The following ADCK2 variants were observed in gnomAD, a reference collection of about 807,000 sequenced individuals.
The protein encoded by ADCK2 is uncharacterized aarF domain-containing protein kinase 2.
A neutral mutation model predicts 52.3 loss-of-function variants in ADCK2; 37 were observed. The ratio of observed to expected loss-of-function variants is 0.71; its 90% confidence interval spans 0.54 to 0.93. The LOEUF (loss-of-function observed/expected upper bound fraction) is 0.93, where lower values mean the gene tolerates loss of function less well. ADCK2 is among the 40% of genes least tolerant of loss of function. ADCK2 has a pLI of 0.00. For missense variants in ADCK2, 695 were observed against 798.7 expected (o/e 0.87, Z 1.56); for synonymous variants, 321 against 349.2 (o/e 0.92, Z 0.90).
In ADCK2 at chr7:140,695,073, T is replaced by C. The variant is rs1203531433; in HGVS notation, c.*270T>C. On this transcript the variant is annotated 3_prime_UTR_variant, in exon 8 of 8. Transcript: ENST00000072869. ...GGGACACTCTCCTTCAGGGAAAATGTTATGTGGAGGAGGACGAATAAATTT... is the reference window on the plus strand; with the variant it reads ...GGGACACTCTCCTTCAGGGAAAATGCTATGTGGAGGAGGACGAATAAATTT... 4.1e-6 allele frequency: 5 copies of C among 1,209,184 alleles called. No homozygotes were observed. Among genetic ancestry groups the C allele is most frequent in the Admixed American group, 4.2e-5 (1 of 23,550 alleles). 74.9% of individuals were successfully genotyped at this position (1,209,184 alleles called of 1,614,324 possible).
In ADCK2 at chr7:140,673,974, A is replaced by G. The variant is rs770769081; in HGVS notation, c.644A>G (p.Tyr215Cys). 1.2e-5 allele frequency: 19 copies of G among 1,614,074 alleles called. 2 individuals carry two copies. In the South Asian group the frequency reaches 2.1e-4, roughly 18 times the overall value. The stretch of plus-strand genomic sequence containing the variant: ...GGCTCAGGCTGCGTGGCCCAGGTGT[A>G]CAAAGCATACGCCAACACTGCCTTC... ...PVGSGCVAQV[Y>C]KAYANTAFLE... Residue 215 changes from tyrosine (Y) to cysteine (C), a missense_variant, in exon 1 of 8, where the codon TAC becomes TGC. By Grantham distance (194) the Tyr-to-Cys change is radical. Coordinates refer to ENST00000072869, the MANE Select transcript of ADCK2 (RefSeq NM_052853.4). This position sits in a 1 kb window ranked among gnomAD's most constrained non-coding sequence, Gnocchi z 6.4.
rs1585849058 is a variant in ADCK2 at position 140,683,716 on chromosome 7, C to G, written c.1305+2579C>G. Among the ~76,000 whole-genome samples, 4 of 152,290 alleles carry G rather than the reference C, an allele frequency of 2.6e-5. No homozygotes were observed. The South Asian group carries it at 8.3e-4, about 32-fold the overall frequency. Reference sequence around the variant, plus strand: ...GGTGGTTTTGTCTACCAGGGGACATCTGGCGATGTCTGGAGACATTCTTGG... The same window carrying G: ...GGTGGTTTTGTCTACCAGGGGACATGTGGCGATGTCTGGAGACATTCTTGG... On this transcript the variant is annotated intron_variant, in intron 4 of 7. Transcript: ENST00000072869.
chr7:140,679,579 G>T (rs1365036518), intron 3 of ADCK2, among the ~76,000 whole-genome samples: 4 of 150,442 alleles, frequency 2.7e-5, no homozygotes, highest in Admixed American at 6.6e-5. Context: ...AAAACAAGGA[G>T]TTGGGCACAG....
chr7:140,689,367 A>G (rs533435388), intron 5 of ADCK2, among the ~76,000 whole-genome samples: 2 of 152,226 alleles, frequency 1.3e-5, no homozygotes, highest in Admixed American at 1.3e-4. Flanking sequence ...GCTGGTTTGA[A>G]AGTGTCCCCT....
chr7:140,689,528 G>T, intron 5 of ADCK2, 69 bp from the exon 6 acceptor site: 8 of 1,505,414 alleles, frequency 5.3e-6, no homozygotes, highest in Non-Finnish European at 7.2e-6. Context: ...AGATGAGAAA[G>T]ACGCTTGGGC....
Position 140,673,348 on chromosome 7 carries a change from C to A in ADCK2, c.18C>A (p.Arg6=). 6.8e-7 allele frequency: 1 copy of A among 1,462,322 alleles called. No homozygotes were observed. Among genetic ancestry groups the A allele is most frequent in the Non-Finnish European group, 9.0e-7 (1 of 1,105,282 alleles). The allele number at this position is 1,462,322 out of a possible 1,614,324, so 90.6% of individuals were successfully genotyped here. The part of the protein sequence containing the change: MVAPW[R]VSVRVCLSHL... ...TCGGGAGGATGGTGGCGCCCTGGCG[C>A]GTCTCCGTCAGGGTTTGCCTGTCGC... The change falls in exon 1 of 8, where the codon CGC becomes CGA. Residue 6 remains arginine (R), a synonymous_variant. Transcript: ENST00000072869. The surrounding 1 kb of genome is among the most constrained non-coding windows in gnomAD (Gnocchi z 6.4).
rs986327921 is a variant in ADCK2 at position 140,672,976 on chromosome 7, G to A, written c.-355G>A. Among the ~76,000 whole-genome samples, 1 of 151,140 alleles carries A rather than the reference G, an allele frequency of 6.6e-6. No homozygotes were observed. Among genetic ancestry groups the A allele is most frequent in the Non-Finnish European group, 1.5e-5 (1 of 67,594 alleles). On this transcript the variant is annotated 5_prime_UTR_variant, in exon 1 of 8. Transcript: ENST00000072869. ...CCAGCGATCTCATACTGGCCCCTGGGCGCACGGTGACCCTGCGGCTGCCCG... is the reference window on the plus strand; with the variant it reads ...CCAGCGATCTCATACTGGCCCCTGGACGCACGGTGACCCTGCGGCTGCCCG...
Position 140,673,855 on chromosome 7 carries a change from G to A in ADCK2, c.525G>A (p.Thr175=). Residue 175 remains threonine, a synonymous_variant, in exon 1 of 8, where the codon ACG becomes ACA. Transcript: ENST00000072869. This position sits in a 1 kb window ranked among gnomAD's most constrained non-coding sequence, Gnocchi z 6.4. ...TTTCCAAGCTGCATGTCCGAGTGAC[G>A]CCCCACCCGTGGACTCACACTGAGC... ...AQFSKLHVRV[T]PHPWTHTERF... is the part of the protein sequence containing the mutation. The A allele has an allele frequency of 1.2e-6, 2 of 1,613,948 alleles. No individual in the cohort carries two copies. Among genetic ancestry groups the A allele is most frequent in the Non-Finnish European group, 1.7e-6 (2 of 1,180,032 alleles).
chr7:140,690,736 T>A (rs774608493), intron 6 of ADCK2, 24 bp from the exon 7 acceptor site: 4 of 1,611,966 alleles, frequency 2.5e-6, no homozygotes, highest in Non-Finnish European at 3.4e-6. Context: ...GTGGTCTGCA[T>A]TAGCCTTTAT....
rs1165660098 is a variant in ADCK2, at chr7:140,674,067, C to T, written c.737C>T (p.Ala246Val). 6.2e-7 allele frequency: 1 copy of T among 1,614,120 alleles called. No individual in the cohort carries two copies. Among genetic ancestry groups the T allele is most frequent in the East Asian group, 2.2e-5 (1 of 44,876 alleles). The part of the protein sequence containing the change: ...SCLPPFSHTG[A>V]VGGLRELFGY... ...CTGCCGCCCTTCTCACATACTGGGGCAGTCGGTGGGCTGAGAGAGCTCTTT... is the reference window on the plus strand; with the variant it reads ...CTGCCGCCCTTCTCACATACTGGGGTAGTCGGTGGGCTGAGAGAGCTCTTT... The change falls in exon 1 of 8, where the codon GCA (alanine) becomes GTA (valine). Residue 246 changes from alanine to valine, a missense_variant. Physicochemically the swap from Ala to Val is moderately conservative, Grantham distance 64. Transcript: ENST00000072869. This position sits in a 1 kb window ranked among gnomAD's most constrained non-coding sequence, Gnocchi z 4.6.
chr7:140,688,809 G>C (rs1390352030), intron 5 of ADCK2, among the ~76,000 whole-genome samples: 1 of 152,208 alleles, frequency 6.6e-6, no homozygotes, highest in Non-Finnish European at 1.5e-5. Flanking sequence ...GGTTGAGAAT[G>C]ATTATTTAGA....
Position 140,673,650 on chromosome 7 carries a change from T to C in ADCK2, c.320T>C (p.Leu107Ser), listed in dbSNP as rs1326804613. The C allele has an allele frequency of 2.5e-6, 4 of 1,610,572 alleles. No homozygotes were observed. Among genetic ancestry groups the C allele is most frequent in the Non-Finnish European group, 3.4e-6 (4 of 1,179,942 alleles). Residue 107 changes from leucine to serine, a missense_variant, in exon 1 of 8, where the codon TTG becomes TCG. Leu to Ser is a moderately radical substitution (Grantham distance 145, BLOSUM62 -2). Coordinates refer to ENST00000072869, the MANE Select transcript of ADCK2 (RefSeq NM_052853.4). This position sits in a 1 kb window ranked among gnomAD's most constrained non-coding sequence, Gnocchi z 6.4. ...LRLWLRAGAL[L>S]VKFFPLLLLY... Reference sequence around the variant, plus strand: ...CTCTGGCTTCGCGCCGGCGCTCTGTTGGTGAAATTCTTCCCCCTCCTACTC... The same window carrying C: ...CTCTGGCTTCGCGCCGGCGCTCTGTCGGTGAAATTCTTCCCCCTCCTACTC...
intron 2 of ADCK2, among the ~76,000 whole-genome samples, chr7:140,677,840 G>T (rs759395029): frequency 1.3e-5 from 2 of 152,130 alleles, no homozygotes; most frequent in African/African-American, 2.4e-5. Context: ...TGGACCAAGT[G>T]GGGGAATAAC....
chr7:140,674,112 G>T lies in ADCK2; in HGVS notation c.782G>T (p.Arg261Leu). 6.2e-7 allele frequency: 1 copy of T among 1,614,140 alleles called. No individual in the cohort carries two copies. Among genetic ancestry groups the T allele is most frequent in the Admixed American group, 1.7e-5 (1 of 60,022 alleles). ...CTCTTTGGATACCTTGGAAATGGCCGGAAACCTCCAGAAAATCTCGCAGAC... is the reference window on the plus strand; with the variant it reads ...CTCTTTGGATACCTTGGAAATGGCCTGAAACCTCCAGAAAATCTCGCAGAC... Reference protein sequence around the residue: ...RELFGYLGNGRKPPENLADQS... With the variant: ...RELFGYLGNGLKPPENLADQS... The change falls in exon 1 of 8, where the codon CGG becomes CTG. Residue 261 changes from arginine (R) to leucine (L), a missense_variant. Transcript: ENST00000072869. The surrounding 1 kb of genome is among the most constrained non-coding windows in gnomAD (Gnocchi z 4.6).
intron 4 of ADCK2, among the ~76,000 whole-genome samples, chr7:140,684,210 CAG>C (rs1266420080): frequency 6.6e-6 from 1 of 152,076 alleles, no homozygotes; most frequent in Non-Finnish European, 1.5e-5. Context: ...TAGCTCAGGG[CAG>C]AGAGGAGTGT....
intron 5 of ADCK2, among the ~76,000 whole-genome samples, chr7:140,688,270 C>CT (rs1232808749): frequency 7.2e-5 from 11 of 152,286 alleles, no homozygotes; most frequent in African/African-American, 2.4e-4. Flanking sequence ...TCTTGAACTT[C>CT]TGACCTCAGG....
Position 140,673,404 on chromosome 7 carries a change from TC to T in ADCK2, c.75del (p.Ser26AlafsTer3). On this transcript the variant is annotated frameshift_variant, in exon 1 of 8. Transcript: ENST00000072869. LOFTEE classifies it high-confidence loss of function. This position sits in a 1 kb window ranked among gnomAD's most constrained non-coding sequence, Gnocchi z 6.4. ...HLRCFELRQG[L>X]SLLRPSECPR... ...AGGTGCTTCGAGCTCAGACAGGGAC[TC>T]AGCCTCCTGAGGCCCTCCGAGTGCC... 6.3e-7 allele frequency: 1 copy of T among 1,586,108 alleles called. No homozygotes were observed. The highest frequency in any genetic ancestry group is 8.6e-7 in the Non-Finnish European group (1 of 1,166,484).
chr7:140,677,523 CT>C (rs1369446198), intron 2 of ADCK2, among the ~76,000 whole-genome samples: 2 of 152,008 alleles, frequency 1.3e-5, no homozygotes, highest in Non-Finnish European at 2.9e-5. Context: ...CATGTACAGA[CT>C]TTTTTTTCTT....
In ADCK2 at chr7:140,674,791, C is replaced by T. The variant is rs774520715; in HGVS notation, c.1080+34C>T. 1 of 1,601,078 alleles carries T rather than the reference C, an allele frequency of 6.2e-7. No homozygotes were observed. The highest frequency in any genetic ancestry group is 8.5e-7 in the Non-Finnish European group (1 of 1,171,164). On this transcript the variant is annotated intron_variant, in intron 2 of 7. Coordinates refer to ENST00000072869, the MANE Select transcript of ADCK2 (RefSeq NM_052853.4). This position sits in a 1 kb window ranked among gnomAD's most constrained non-coding sequence, Gnocchi z 4.6. Reference sequence around the variant, plus strand: ...TCCTCCCCTCAGCTGTAAATAGCACCTAACATAGTTCTTGCCATTAGCTGC... The same window carrying T: ...TCCTCCCCTCAGCTGTAAATAGCACTTAACATAGTTCTTGCCATTAGCTGC...
Sources: gnomAD v4.1 joint callset for allele counts (sites outside exome capture counted in the v4.1 genomes callset) on GRCh38, gnomAD v4.1.1 for gene constraint, Gnocchi (gnomAD v3.1) non-coding constraint, MANE v1.5 for transcripts, NCBI Gene and HGNC (gene_info 2026-07-23, HGNC 2026-07-21) for gene names.